Variants in WDR17 observed in about 807,000 individuals in gnomAD.
WDR17 encodes WD repeat-containing protein 17.
Under a neutral mutation model 161.7 loss-of-function variants are expected in WDR17, and 143 were observed. The observed-to-expected ratio is 0.88, with a 90% CI of 0.77 to 1.02. The LOEUF (loss-of-function observed/expected upper bound fraction) is 1.02, where lower values mean the gene tolerates loss of function less well. Ranked by LOEUF, WDR17 falls within the 50% of genes least tolerant of loss-of-function variation. The pLI is 0.00. For synonymous variants in WDR17, 517 were observed against 515.6 expected, an observed-to-expected ratio of 1.00 and a Z score of -0.04; for missense variants, 1,469 against 1,520.9, an observed-to-expected ratio of 0.97 and a Z score of 0.57.
rs1009577135 is a variant in WDR17, at chr4:176,181,274, C to T, written c.*1695C>T. On this transcript the variant is annotated 3_prime_UTR_variant, in exon 29 of 29. Coordinates refer to ENST00000508596, the MANE Select transcript of WDR17 (RefSeq NM_181265.4). Reference sequence around the variant, plus strand: ...TTGAGGTCGGTAGATGGAGACCATCCTGGCCAACATGGTGAAACCCTGTCT... The same window carrying T: ...TTGAGGTCGGTAGATGGAGACCATCTTGGCCAACATGGTGAAACCCTGTCT... 6.6e-6 allele frequency: 1 copy of T among 152,502 alleles called. No homozygotes were observed. The highest frequency in any genetic ancestry group is 1.5e-5 in the Non-Finnish European group (1 of 68,448). The allele number at this position is 152,502 out of a possible 1,614,324, so 9.4% of individuals were successfully genotyped here.
intron 7 of WDR17, among the ~76,000 whole-genome samples, chr4:176,133,181 T>TTTA (rs1561153161): frequency 2.4e-5 from 2 of 83,040 alleles, no homozygotes; most frequent in African/African-American, 1.0e-4. Context: ...ATTTTTTATT[T>TTTA]TTATTTTTTT....
intron 10 of WDR17, among the ~76,000 whole-genome samples, chr4:176,141,411 T>C (rs1003103171): frequency 4.6e-5 from 7 of 152,176 alleles, no homozygotes; most frequent in African/African-American, 1.7e-4. Flanking sequence ...TATTACACTA[T>C]GTTTTCCTCA....
chr4:176,152,943 AAAAG>A (rs905034562), intron 17 of WDR17, among the ~76,000 whole-genome samples: 11 of 152,062 alleles, frequency 7.2e-5, no homozygotes, highest in Admixed American at 6.6e-5. Context: ...CAAAAAAAAA[AAAAG>A]GAAGCTTATT....
intron 6 of WDR17, 111 bp downstream of exon 6, chr4:176,128,971 TA>T: frequency 2.1e-6 from 2 of 974,546 alleles, no homozygotes; most frequent in Non-Finnish European, 2.8e-6. Context: ...AAGCAATTTT[TA>T]AAAAAGGCTT....
intron 23 of WDR17, among the ~76,000 whole-genome samples, chr4:176,169,867 A>C (rs1750449066): frequency 6.6e-6 from 1 of 152,224 alleles, no homozygotes; most frequent in African/African-American, 2.4e-5. Flanking sequence ...TAACTACTTT[A>C]TACACCTTGT....
At chr4:176,124,413 T>C (rs1742111274) in intron 4 of WDR17, among the ~76,000 whole-genome samples, 1 of 152,230 alleles carries the variant, frequency 6.6e-6, no homozygotes, top group Non-Finnish European at 1.5e-5. Flanking sequence ...GCTTCCCTAT[T>C]TATACTACTG....
chr4:176,118,126 C>A (rs10520332), intron 3 of WDR17, among the ~76,000 whole-genome samples: 44,952 of 152,014 alleles, frequency 0.3, 7,392 homozygotes, highest in African/African-American at 0.44. Flanking sequence ...CACTTTATGT[C>A]ACAGTGGATA....
chr4:176,099,864 T>A (rs1737530220), intron 1 of WDR17, among the ~76,000 whole-genome samples: 1 of 152,156 alleles, frequency 6.6e-6, no homozygotes, highest in Non-Finnish European at 1.5e-5. Context: ...GTGCATGGCT[T>A]GTTTCACTTA....
chr4:176,122,700 A>G (rs1011676560), intron 4 of WDR17, among the ~76,000 whole-genome samples: 1 of 152,200 alleles, frequency 6.6e-6, no homozygotes, highest in Admixed American at 6.5e-5. Flanking sequence ...TTCTATACCT[A>G]CGTTACAACA....
intron 25 of WDR17, among the ~76,000 whole-genome samples, chr4:176,173,684 T>C (rs1180536169): frequency 1.3e-5 from 2 of 151,870 alleles, no homozygotes; most frequent in Non-Finnish European, 1.5e-5. Context: ...GCCTGGCTAA[T>C]TTTTGTATTT....
At chr4:176,076,394 AGTTGTC>A in intron 1 of WDR17, among the ~76,000 whole-genome samples, 1 of 129,840 alleles carries the variant, frequency 7.7e-6, no homozygotes, top group African/African-American at 2.8e-5. Context: ...CCAGTAAATG[AGTTGTC>A]GTTGTTGGTT....
At chr4:176,094,948 T>G (rs916199561) in intron 1 of WDR17, among the ~76,000 whole-genome samples, 10 of 152,108 alleles carry the variant, frequency 6.6e-5, no homozygotes, top group African/African-American at 2.4e-4. Flanking sequence ...ATTGAGATTA[T>G]CAGGTAAAGG....
intron 1 of WDR17, among the ~76,000 whole-genome samples, chr4:176,087,778 T>C (rs1464363613): frequency 6.6e-6 from 1 of 152,152 alleles, no homozygotes; most frequent in Admixed American, 6.6e-5. Context: ...ACTCATCCAT[T>C]GAGATATAAA....
chr4:176,156,101 C>T lies in WDR17; in HGVS notation c.2483C>T (p.Ala828Val), dbSNP rs1748087634. ...LGEWDKALSI[A>V]PGVSVKYWKK... ...TAGTGGGACAAAGCCCTGTCAATTG[C>T]ACCAGGAGTCTCTGTGAAATACTGG... The change falls in exon 18 of 29, where the codon GCA becomes GTA. Residue 828 changes from alanine (A) to valine (V), a missense_variant. Physicochemically the swap from Ala to Val is moderately conservative, Grantham distance 64. Transcript: ENST00000508596. 1.9e-6 allele frequency: 3 copies of T among 1,613,620 alleles called. No individual in the cohort carries two copies. The highest frequency in any genetic ancestry group is 1.7e-6 in the Non-Finnish European group (2 of 1,179,776).
intron 1 of WDR17, among the ~76,000 whole-genome samples, chr4:176,077,796 G>A (rs750418414): frequency 2.6e-5 from 4 of 151,808 alleles, no homozygotes; most frequent in Non-Finnish European, 4.4e-5. Context: ...CAAGCTACAG[G>A]TAGTAGCCTC....
intron 23 of WDR17, among the ~76,000 whole-genome samples, chr4:176,169,798 T>C (rs1391681571): frequency 1.3e-5 from 2 of 152,154 alleles, no homozygotes; most frequent in East Asian, 1.9e-4. Flanking sequence ...ACGCGGAAAA[T>C]ACTTGTGAAA....
chr4:176,133,174 TTTTATTTTTA>T (rs1296194712), intron 7 of WDR17, among the ~76,000 whole-genome samples: 29 of 84,030 alleles, frequency 3.5e-4, no homozygotes, highest in African/African-American at 1.2e-3. Context: ...AAAAACAATT[TTTTATTTTTA>T]TTTTTTTTTT....
chr4:176,162,994 C>T (rs1488328141), intron 21 of WDR17, among the ~76,000 whole-genome samples, 160 bp from the exon 22 acceptor site: 1 of 152,064 alleles, frequency 6.6e-6, no homozygotes, highest in Non-Finnish European at 1.5e-5. Context: ...ATTGCAATTA[C>T]GCTTACATAG....
chr4:176,173,398 G>T, intron 25 of WDR17, 29 bp downstream of exon 25: 1 of 1,448,816 alleles, frequency 6.9e-7, no homozygotes, highest in Non-Finnish European at 9.6e-7. Flanking sequence ...AAATATATAA[G>T]TGAATCTATT....
Sources: allele counts gnomAD v4.1 joint callset (sites outside exome capture counted in the v4.1 genomes callset), GRCh38; gene constraint gnomAD v4.1.1; transcripts MANE v1.5; gene names NCBI Gene and HGNC (gene_info 2026-07-23, HGNC 2026-07-21).